USP43: variants seen among roughly 807,000 people sequenced by gnomAD.
USP43 encodes ubiquitin specific peptidase 43.
A neutral mutation model predicts 90.7 loss-of-function variants in USP43; 33 were observed. That is an observed-to-expected ratio of 0.36 (90% confidence interval 0.28 to 0.49). The LOEUF (loss-of-function observed/expected upper bound fraction) is 0.49. USP43 is among the 20% of genes least tolerant of loss of function. The probability of loss-of-function intolerance (pLI) is 0.98; values close to 1 mark genes in which losing one functional copy is unlikely to be tolerated. For synonymous variants in USP43, 598 were observed against 615.8 expected, an observed-to-expected ratio of 0.97 and a Z score of 0.43; for missense variants, 1,274 against 1,476.4, an observed-to-expected ratio of 0.86 and a Z score of 2.25.
intron 9 of USP43, among the ~76,000 whole-genome samples, chr17:9,693,554 A>G (rs1915085576): frequency 1.3e-5 from 2 of 151,982 alleles, no homozygotes; most frequent in African/African-American, 2.4e-5. Context: ...ACCCAAATTC[A>G]GCCAGGCATG....
chr17:9,679,630 A>G (rs1914029801), intron 5 of USP43, among the ~76,000 whole-genome samples: 1 of 145,396 alleles, frequency 6.9e-6, no homozygotes, highest in Non-Finnish European at 1.5e-5. Context: ...GGTTCACACC[A>G]TTCTCCTGCC....
At chr17:9,704,610 C>A (rs1915771325) in intron 12 of USP43, among the ~76,000 whole-genome samples, 1 of 152,190 alleles carries the variant, frequency 6.6e-6, no homozygotes. Flanking sequence ...AGCCACTGCG[C>A]CTGGCCTAGT....
At position 9,727,824 on chromosome 17, in the gene USP43, C is replaced by T; in HGVS notation, c.2336-130C>T. Reference sequence around the variant, plus strand: ...CCCCAAAGGCAGGAACCCTATGTGGCTTCTTCACTGCTGTGTCTCCAGTGC... The same window carrying T: ...CCCCAAAGGCAGGAACCCTATGTGGTTTCTTCACTGCTGTGTCTCCAGTGC... On this transcript the variant is annotated intron_variant, in intron 14 of 14. Transcript: ENST00000285199. 7.8e-6 allele frequency: 8 copies of T among 1,020,582 alleles called. No homozygotes were observed. The Middle Eastern group carries it at 1.9e-3, about 243-fold the overall frequency. 63.2% of individuals were successfully genotyped at this position (1,020,582 alleles called of 1,614,324 possible).
chr17:9,702,096 C>T (rs1915609087), intron 12 of USP43, among the ~76,000 whole-genome samples: 2 of 152,068 alleles, frequency 1.3e-5, no homozygotes, highest in Admixed American at 1.3e-4. Flanking sequence ...TGCAGTAGCT[C>T]ATGCCTGTAA....
At chr17:9,703,988 C>T (rs1048463293) in intron 12 of USP43, among the ~76,000 whole-genome samples, 1 of 152,278 alleles carries the variant, frequency 6.6e-6, no homozygotes, top group South Asian at 2.1e-4. Flanking sequence ...GCCTTTATTT[C>T]CACACCTGAT....
chr17:9,675,856 T>C (rs1008145538), intron 4 of USP43, among the ~76,000 whole-genome samples: 1 of 152,200 alleles, frequency 6.6e-6, no homozygotes, highest in Non-Finnish European at 1.5e-5. Context: ...AACTTATAGA[T>C]GTGATGATCT....
intron 1 of USP43, among the ~76,000 whole-genome samples, chr17:9,646,817 G>C (rs1435381612): frequency 6.6e-6 from 1 of 152,154 alleles, no homozygotes; most frequent in Non-Finnish European, 1.5e-5. Flanking sequence ...CAAAGGCAGT[G>C]AGCGTGCTAT....
intron 14 of USP43, among the ~76,000 whole-genome samples, chr17:9,722,297 CCT>C (rs1917002940): frequency 1.3e-5 from 2 of 152,096 alleles, no homozygotes; most frequent in Admixed American, 1.3e-4. Flanking sequence ...TCATTTTGCC[CCT>C]CTCTTGGGCT....
At chr17:9,720,433 G>C (rs1916882231) in intron 14 of USP43, among the ~76,000 whole-genome samples, 1 of 149,004 alleles carries the variant, frequency 6.7e-6, no homozygotes, top group Non-Finnish European at 1.5e-5. Flanking sequence ...TTTTCAAATA[G>C]TGGTTGGTAC....
At chr17:9,680,435 G>A (rs1468214072) in intron 6 of USP43, 69 bp downstream of exon 6, 2 of 1,560,580 alleles carry the variant, frequency 1.3e-6, no homozygotes, top group East Asian at 4.5e-5. Flanking sequence ...ATACTCCTTG[G>A]GTGCAAAGGC....
chr17:9,645,853 G>A lies in USP43; in HGVS notation c.221G>A (p.Ser74Asn), dbSNP rs1025606679. ...APGPVPAAPG[S>N]PGEERPPGPQ... ...GGCCCAGTTCCAGCGGCCCCCGGGA[G>A]CCCCGGGGAGGAACGCCCGCCCGGA... The change falls in exon 1 of 15, where the codon AGC (serine) becomes AAC (asparagine). Residue 74 changes from serine to asparagine, a missense_variant. Around this residue, in one of 6 missense-constraint regions of USP43, gnomAD observed 259 missense variants for 373.7 expected, o/e 0.69. Coordinates refer to ENST00000285199, the MANE Select transcript of USP43 (RefSeq NM_153210.5). This position sits in a 1 kb window ranked among gnomAD's most constrained non-coding sequence, Gnocchi z 6.8. The A allele has an allele frequency of 2.8e-6, 4 of 1,412,352 alleles. No individual in the cohort carries two copies. The highest frequency in any genetic ancestry group is 3.7e-5 in the Admixed American group (1 of 27,186). The allele number at this position is 1,412,352 out of a possible 1,614,324, so 87.5% of individuals were successfully genotyped here. A position where few individuals can be genotyped will look rare whatever the true frequency, so the allele number is the denominator to read the frequency against.
intron 2 of USP43, among the ~76,000 whole-genome samples, chr17:9,657,307 G>A (rs1266071420): frequency 6.6e-6 from 1 of 152,058 alleles, no homozygotes; most frequent in Non-Finnish European, 1.5e-5. Context: ...AGGAGTTCAA[G>A]ACCAGCCTGG....
chr17:9,702,445 T>C (rs991088930), intron 12 of USP43, among the ~76,000 whole-genome samples: 7 of 152,196 alleles, frequency 4.6e-5, no homozygotes, highest in Admixed American at 2.6e-4. Context: ...GAGAGTGACA[T>C]TCATTCTCAT....
intron 9 of USP43, among the ~76,000 whole-genome samples, chr17:9,694,030 T>C (rs1322611722): frequency 2.0e-5 from 3 of 152,190 alleles, no homozygotes; most frequent in Non-Finnish European, 2.9e-5. Context: ...GCTACCTTGA[T>C]AGCCTTCTGG....
chr17:9,649,600 C>T (rs1277533007), intron 1 of USP43, among the ~76,000 whole-genome samples: 1 of 149,852 alleles, frequency 6.7e-6, no homozygotes, highest in Non-Finnish European at 1.5e-5. Context: ...CAAGATTTAG[C>T]TCCCCCTTAT....
chr17:9,651,237 G>T (rs948222692), intron 1 of USP43, among the ~76,000 whole-genome samples: 5 of 151,830 alleles, frequency 3.3e-5, no homozygotes, highest in African/African-American at 1.2e-4. Context: ...CACCCAGGCT[G>T]GAGTGTGGCA....
At chr17:9,720,304 C>T (rs112558990) in intron 14 of USP43, among the ~76,000 whole-genome samples, 4,034 of 111,492 alleles carry the variant, frequency 0.036, 120 homozygotes, top group East Asian at 0.18. Context: ...CCAGCCTGGG[C>T]GACAGAGACT....
intron 2 of USP43, 39 bp downstream of exon 2, chr17:9,656,573 CT>C (rs754002461): frequency 2.8e-5 from 43 of 1,553,276 alleles, no homozygotes; most frequent in Non-Finnish European, 3.6e-5. Context: ...ACTGGGTTTT[CT>C]TTTTTTCTTT....
rs753808500 is a variant in USP43, at chr17:9,693,152, G to A, written c.1379G>A (p.Arg460His). 9.3e-6 allele frequency: 15 copies of A among 1,613,656 alleles called. No homozygotes were observed. Among genetic ancestry groups the A allele is most frequent in the Admixed American group, 1.7e-5 (1 of 59,986 alleles). ...VQNLGSLFSI[R>H]VVGLSVACSY... is the part of the protein sequence containing the mutation. The stretch of plus-strand genomic sequence containing the variant: ...AACCTGGGGTCTCTGTTCTCCATCC[G>A]TGTTGTGGGACTCTCTGTGGCCTGC... Residue 460 changes from arginine to histidine, a missense_variant, in exon 9 of 15, where the codon CGT (arginine) becomes CAT (histidine). Coordinates refer to ENST00000285199, the MANE Select transcript of USP43 (RefSeq NM_153210.5).
Sources: gnomAD v4.1 joint callset for allele counts (sites outside exome capture counted in the v4.1 genomes callset) on GRCh38, gnomAD v4.1.1 for gene constraint, gnomAD v4.1.1 regional missense constraint, Gnocchi (gnomAD v3.1) non-coding constraint, MANE v1.5 for transcripts, NCBI Gene and HGNC (gene_info 2026-07-23, HGNC 2026-07-21) for gene names.